The following ERICH5 variants were observed in gnomAD, a reference collection of about 807,000 sequenced individuals.
The protein encoded by ERICH5 is glutamate rich 5, also known as glutamate-rich protein 5.
In ERICH5, 24 loss-of-function variants were observed where a neutral mutation model predicts 28.0. That is an observed-to-expected ratio of 0.86 (90% CI 0.62 to 1.21). ERICH5 has a LOEUF of 1.21. Ranked by LOEUF, ERICH5 falls within the 50% of genes most tolerant of loss-of-function variation. The pLI is 0.00. For missense variants in ERICH5, 421 were observed against 441.2 expected, an observed-to-expected ratio of 0.95 and a Z score of 0.41; for synonymous variants, 163 against 157.6, an observed-to-expected ratio of 1.03 and a Z score of -0.25.
At chr8:98,081,140 C>G (rs138716754) in intron 1 of ERICH5, among the ~76,000 whole-genome samples, 285 of 152,132 alleles carry the variant, frequency 1.9e-3, no homozygotes, top group African/African-American at 6.6e-3. Context: ...GGGTCTTGCT[C>G]TGTCTCCCAG....
At chr8:98,082,304 G>A (rs915306806) in intron 1 of ERICH5, among the ~76,000 whole-genome samples, 2 of 152,126 alleles carry the variant, frequency 1.3e-5, no homozygotes, top group African/African-American at 2.4e-5. Context: ...AAAAGTATAC[G>A]CTGTGGACAC....
chr8:98,068,248 T>A (rs1008596775), intron 1 of ERICH5, among the ~76,000 whole-genome samples: 1 of 152,146 alleles, frequency 6.6e-6, no homozygotes. Context: ...GTGGGGACAT[T>A]TGCCCTGACC....
rs1814788068 is a variant in ERICH5, at chr8:98,064,729, T to G, written c.58+2T>G. On this transcript the variant is annotated splice_donor_variant, in intron 1 of 2. Transcript: ENST00000318528. LOFTEE classifies it high-confidence loss of function. ...GCGACAGCAGCAGGTTCCCCAGCGG[T>G]GAGCAGGGTACCGGCGCCGCCCGCG... 5 of 1,529,568 alleles carry G rather than the reference T, an allele frequency of 3.3e-6. No individual in the cohort carries two copies. The East Asian group carries it at 1.2e-4, about 38-fold the overall frequency. 94.7% of individuals were successfully genotyped at this position (1,529,568 alleles called of 1,614,324 possible).
intron 1 of ERICH5, among the ~76,000 whole-genome samples, chr8:98,085,972 T>C: frequency 6.6e-6 from 1 of 152,210 alleles, no homozygotes; most frequent in East Asian, 1.9e-4. Context: ...AGCCTGTAGT[T>C]TTCATCTTTG....
intron 1 of ERICH5, among the ~76,000 whole-genome samples, chr8:98,080,339 G>C (rs1815157106): frequency 6.6e-6 from 1 of 152,210 alleles, no homozygotes; most frequent in Admixed American, 6.5e-5. Flanking sequence ...GGTGGAGTCA[G>C]GATTCACACC....
intron 1 of ERICH5, among the ~76,000 whole-genome samples, chr8:98,075,622 C>T (rs1815035944): frequency 6.6e-6 from 1 of 150,954 alleles, no homozygotes; most frequent in Non-Finnish European, 1.5e-5. Context: ...TCCTGGGTCT[C>T]CCCAGTGCTC....
chr8:98,073,582 G>A (rs1214210271), intron 1 of ERICH5, among the ~76,000 whole-genome samples: 8 of 130,228 alleles, frequency 6.1e-5, no homozygotes, highest in East Asian at 2.5e-4. Context: ...TTGCTGTGTC[G>A]CCCAGGCTGG....
At chr8:98,082,850 G>A (rs1815206640) in intron 1 of ERICH5, among the ~76,000 whole-genome samples, 2 of 152,116 alleles carry the variant, frequency 1.3e-5, no homozygotes, top group Admixed American at 1.3e-4. Context: ...TAGCCTTGGT[G>A]ACGGATTGAG....
chr8:98,065,750 T>C (rs1388713531), intron 1 of ERICH5, among the ~76,000 whole-genome samples: 1 of 152,210 alleles, frequency 6.6e-6, no homozygotes, highest in South Asian at 2.1e-4. Flanking sequence ...TAGTTTACAG[T>C]CTTCTGCAAG....
chr8:98,092,436 A>G (rs1202895461), intron 2 of ERICH5, among the ~76,000 whole-genome samples: 1 of 152,218 alleles, frequency 6.6e-6, no homozygotes, highest in Non-Finnish European at 1.5e-5. Context: ...TGCTGGGATT[A>G]TAGGCGTGAG....
At chr8:98,085,919 G>C (rs1018131919) in intron 1 of ERICH5, among the ~76,000 whole-genome samples, 1 of 152,320 alleles carries the variant, frequency 6.6e-6, no homozygotes, top group Middle Eastern at 3.4e-3. Flanking sequence ...GTTTTTGTTA[G>C]ATTACTGCTT....
At chr8:98,077,800 G>C (rs1321889902) in intron 1 of ERICH5, among the ~76,000 whole-genome samples, 1 of 151,982 alleles carries the variant, frequency 6.6e-6, no homozygotes. Flanking sequence ...AAACTCCTGG[G>C]CTCAAGCAAT....
At chr8:98,079,569 C>T (rs1187604878) in intron 1 of ERICH5, among the ~76,000 whole-genome samples, 5 of 151,384 alleles carry the variant, frequency 3.3e-5, no homozygotes, top group Non-Finnish European at 7.4e-5. Context: ...GATGAAGTCT[C>T]GCTCTTGTTG....
In ERICH5 at chr8:98,064,663, C is replaced by T. The variant is rs1814784453; in HGVS notation, c.-7C>T. On this transcript the variant is annotated 5_prime_UTR_variant, in exon 1 of 3. Coordinates refer to ENST00000318528, the MANE Select transcript of ERICH5 (RefSeq NM_173549.3). The stretch of plus-strand genomic sequence containing the variant: ...CAGGGCTGAGACAGGTGTCTGCGCT[C>T]CCCGCAATGGGCTGCTCCAGCAGCG... The T allele has an allele frequency of 1.3e-6, 2 of 1,528,570 alleles. No individual in the cohort carries two copies. Among genetic ancestry groups the T allele is most frequent in the Non-Finnish European group, 1.8e-6 (2 of 1,136,832 alleles). 94.7% of individuals were successfully genotyped at this position (1,528,570 alleles called of 1,614,324 possible).
At chr8:98,070,994 T>C (rs1383912617) in intron 1 of ERICH5, among the ~76,000 whole-genome samples, 1 of 152,086 alleles carries the variant, frequency 6.6e-6, no homozygotes, top group African/African-American at 2.4e-5. Context: ...CTGAGTGCAG[T>C]GGCTCATGCC....
chr8:98,064,934 G>C (rs1401454152), intron 1 of ERICH5, among the ~76,000 whole-genome samples: 1 of 152,232 alleles, frequency 6.6e-6, no homozygotes, highest in Non-Finnish European at 1.5e-5. Flanking sequence ...CGGCGGCCCT[G>C]GTGCGCTCCG....
At position 98,089,882 on chromosome 8, in the gene ERICH5, A is replaced by T. The variant is rs1164810231; in HGVS notation, c.865A>T (p.Thr289Ser). 9 of 1,614,072 alleles carry T rather than the reference A, an allele frequency of 5.6e-6. No homozygotes were observed. In the African/African-American group the frequency reaches 1.2e-4, roughly 22 times the overall value. Residue 289 changes from threonine (T) to serine (S), a missense_variant, in exon 2 of 3, where the codon ACT (threonine) becomes TCT (serine). Thr to Ser is a moderately conservative substitution (Grantham distance 58). Transcript: ENST00000318528. The stretch of plus-strand genomic sequence containing the variant: ...TGTTATGAATGATCCATTCCATAAA[A>T]CTCCTGAAGGTCCAGGAAACATGGA... The part of the protein sequence containing the change: ...KPVMNDPFHK[T>S]PEGPGNMEQI...
Position 98,080,982 on chromosome 8 carries a change from C to T in ERICH5, c.59-8094C>T, listed in dbSNP as rs981276823. Among the ~76,000 whole-genome samples, 19 of 152,068 alleles carry T rather than the reference C, an allele frequency of 1.2e-4. No individual in the cohort carries two copies. In the East Asian group the frequency reaches 2.9e-3, roughly 23 times the overall value. Reference sequence around the variant, plus strand: ...CCTCCCAAAGTGCTGGGATTACAGGCGTGAGCCACTGTGCCCAGCCTAATC... The same window carrying T: ...CCTCCCAAAGTGCTGGGATTACAGGTGTGAGCCACTGTGCCCAGCCTAATC... On this transcript the variant is annotated intron_variant, in intron 1 of 2. Coordinates refer to ENST00000318528, the MANE Select transcript of ERICH5 (RefSeq NM_173549.3).
intron 1 of ERICH5, among the ~76,000 whole-genome samples, chr8:98,074,436 T>G (rs540952295): frequency 1.9e-3 from 280 of 149,968 alleles, no homozygotes; most frequent in Non-Finnish European, 3.6e-3. Context: ...CTTTTTTTTT[T>G]TTTTTGAGAC....
Sources: gnomAD v4.1 joint callset for allele counts (sites outside exome capture counted in the v4.1 genomes callset) on GRCh38, gnomAD v4.1.1 for gene constraint, MANE v1.5 for transcripts, NCBI Gene and HGNC (gene_info 2026-07-23, HGNC 2026-07-21) for gene names.